Variants in RTL10 observed in about 807,000 individuals in gnomAD.
RTL10 encodes the protein protein Bop.
For synonymous variants in RTL10, 199 were observed against 188.4 expected (o/e 1.06, Z -0.46); for missense variants, 477 against 470.7 (o/e 1.01, Z -0.12).
rs1352306058 is a variant in RTL10 at position 19,846,728 on chromosome 22, T to C, written c.*4439A>G. On this transcript the variant is annotated 3_prime_UTR_variant, in exon 3 of 3. Transcript: ENST00000328554. ...AATAGACTAGTGAGCTTATGAGAGA[T>C]TAGGACACAGACACAGACAGGGACA... 5.6e-6 allele frequency: 2 copies of C among 356,838 alleles called. No individual in the cohort carries two copies. The highest frequency in any genetic ancestry group is 7.8e-6 in the Non-Finnish European group (2 of 255,526). 22.1% of individuals were successfully genotyped at this position (356,838 alleles called of 1,614,324 possible).
At position 19,850,706 on chromosome 22, in the gene RTL10, G is replaced by A; in HGVS notation, c.*461C>T. 2 of 1,234,168 alleles carry A rather than the reference G, an allele frequency of 1.6e-6. No homozygotes were observed. Among genetic ancestry groups the A allele is most frequent in the Non-Finnish European group, 1.0e-6 (1 of 990,178 alleles). The allele number at this position is 1,234,168 out of a possible 1,614,324, so 76.5% of individuals were successfully genotyped here. ...AGAAGTCACAGGGAGCAGAGAGGGT[G>A]GGGCTAGGGGGACAGACACAGAAAC... On this transcript the variant is annotated 3_prime_UTR_variant, in exon 3 of 3. Coordinates refer to ENST00000328554, the MANE Select transcript of RTL10 (RefSeq NM_024627.6).
At chr22:19,852,843 T>G (rs1938141751) in intron 2 of RTL10, among the ~76,000 whole-genome samples, 1 of 152,068 alleles carries the variant, frequency 6.6e-6, no homozygotes, top group Admixed American at 6.5e-5. Context: ...AGTGGTGAAG[T>G]AACTTGTCTG....
In RTL10 at chr22:19,850,288, GCT is replaced by G. The variant is rs1273727022; in HGVS notation, c.*877_*878del. 1 of 982,718 alleles carries G rather than the reference GCT, an allele frequency of 1.0e-6. No homozygotes were observed. Among genetic ancestry groups the G allele is most frequent in the Non-Finnish European group, 1.2e-6 (1 of 827,476 alleles). 60.9% of individuals were successfully genotyped at this position (982,718 alleles called of 1,614,324 possible). ...CACCAATTGTGTACCAGGCCACAGAGCTGACTAAGACAGAGCCCCTGTGCTGA... is the reference window on the plus strand; with the variant it reads ...CACCAATTGTGTACCAGGCCACAGAGGACTAAGACAGAGCCCCTGTGCTGA... On this transcript the variant is annotated 3_prime_UTR_variant, in exon 3 of 3. Transcript: ENST00000328554.
intron 2 of RTL10, among the ~76,000 whole-genome samples, chr22:19,853,537 C>G (rs113625123): frequency 3.0e-4 from 46 of 152,324 alleles, no homozygotes; most frequent in African/African-American, 1.1e-3. Context: ...CACCGGCTCA[C>G]TGGGAGCACA....
intron 2 of RTL10, among the ~76,000 whole-genome samples, chr22:19,853,637 G>A (rs1938163489): frequency 6.6e-6 from 1 of 152,014 alleles, no homozygotes; most frequent in Admixed American, 6.5e-5. Flanking sequence ...AGGGTGGCCT[G>A]CAGCACTAGA....
chr22:19,850,353 A>G lies in RTL10; in HGVS notation c.*814T>C. ...GCCAGGAGGGAGATCCAAGTCATTT[A>G]CACACTAGGGCTTAAGTGCTGAATC... On this transcript the variant is annotated 3_prime_UTR_variant, in exon 3 of 3. Transcript: ENST00000328554. The G allele has an allele frequency of 1.0e-6, 1 of 986,110 alleles. No homozygotes were observed. Among genetic ancestry groups the G allele is most frequent in the South Asian group, 4.7e-5 (1 of 21,294 alleles). 61.1% of individuals were successfully genotyped at this position (986,110 alleles called of 1,614,324 possible).
Position 19,851,708 on chromosome 22 carries a change from A to T in RTL10, c.554T>A (p.Phe185Tyr). The T allele has an allele frequency of 6.2e-7, 1 of 1,602,782 alleles. No individual in the cohort carries two copies. The highest frequency in any genetic ancestry group is 8.5e-7 in the Non-Finnish European group (1 of 1,172,340). ...GGTAACCACAGCATGGTACTCAGCAAAACTGTTCGGGTCTTGAACAACTTC... is the reference window on the plus strand; with the variant it reads ...GGTAACCACAGCATGGTACTCAGCATAACTGTTCGGGTCTTGAACAACTTC... ...LKEVVQDPNS[F>Y]AEYHAVVTCP... Residue 185 changes from phenylalanine to tyrosine, a missense_variant, in exon 3 of 3, where the codon TTT (phenylalanine) becomes TAT (tyrosine). Physicochemically the swap from Phe to Tyr is conservative, Grantham distance 22. Transcript: ENST00000328554.
Position 19,849,687 on chromosome 22 carries a change from C to G in RTL10, c.*1480G>C, listed in dbSNP as rs16984268. 293 of 985,384 alleles carry G rather than the reference C, an allele frequency of 3.0e-4. 1 individual carries two copies. In the African/African-American group the frequency reaches 4.8e-3, roughly 16 times the overall value. The allele number at this position is 985,384 out of a possible 1,614,324, so 61.0% of individuals were successfully genotyped here. ...CGGCCAGTTTCTGAATAAGTTTAAT[C>G]AGATGCTTGCTAATTAGTTTTTCCT... On this transcript the variant is annotated 3_prime_UTR_variant, in exon 3 of 3. Coordinates refer to ENST00000328554, the MANE Select transcript of RTL10 (RefSeq NM_024627.6).
rs888515165 is a variant in RTL10 at position 19,848,025 on chromosome 22, C to T, written c.*3142G>A. On this transcript the variant is annotated 3_prime_UTR_variant, in exon 3 of 3. Coordinates refer to ENST00000328554, the MANE Select transcript of RTL10 (RefSeq NM_024627.6). ...ACTAAATTTCCATATTTATTTGGCC[C>T]GTTTCAAAGTCCTCTATTCTCTGCT... is the stretch of plus-strand genomic sequence containing the variant. 3 of 985,224 alleles carry T rather than the reference C, an allele frequency of 3.0e-6. No homozygotes were observed. Among genetic ancestry groups the T allele is most frequent in the African/African-American group, 1.7e-5 (1 of 57,332 alleles). 61.0% of individuals were successfully genotyped at this position (985,224 alleles called of 1,614,324 possible). A position where few individuals can be genotyped will look rare whatever the true frequency, so the allele number is the denominator to read the frequency against.
At position 19,851,175 on chromosome 22, in the gene RTL10, C is replaced by T; in HGVS notation, c.1087G>A (p.Gly363Arg). Residue 363 changes from glycine to arginine, a missense_variant, in exon 3 of 3, where the codon GGG becomes AGG. Gly to Arg is a moderately radical substitution (Grantham distance 125). Transcript: ENST00000328554. ...ETPGEPPLSPGF is the reference protein window; with the variant it reads ...ETPGEPPLSPRF ...TCCCACCTGGGCTGTGTTCAGAACC[C>T]AGGAGAAAGTGGTGGCTCTCCTGGG... 1 of 1,590,100 alleles carries T rather than the reference C, an allele frequency of 6.3e-7. No homozygotes were observed. Among genetic ancestry groups the T allele is most frequent in the South Asian group, 1.1e-5 (1 of 87,870 alleles).
Position 19,852,144 on chromosome 22 carries a change from T to C in RTL10, c.118A>G (p.Thr40Ala), listed in dbSNP as rs746080907. ...MDKASPGVAYTPLVDPWIERP... is the reference protein window; with the variant it reads ...MDKASPGVAYAPLVDPWIERP... ...TCAATCCAGGGATCCACAAGGGGGG[T>C]GTATGCCACCCCAGGAGACGCCTTG... Residue 40 changes from threonine (T) to alanine (A), a missense_variant, in exon 3 of 3, where the codon ACC becomes GCC. Physicochemically the swap from Thr to Ala is moderately conservative, Grantham distance 58. Transcript: ENST00000328554. 6.2e-7 allele frequency: 1 copy of C among 1,613,834 alleles called. No individual in the cohort carries two copies. The highest frequency in any genetic ancestry group is 2.2e-5 in the East Asian group (1 of 44,842).
At chr22:19,853,759 G>C (rs1169972117) in intron 2 of RTL10, among the ~76,000 whole-genome samples, 3 of 151,978 alleles carry the variant, frequency 2.0e-5, no homozygotes, top group Non-Finnish European at 4.4e-5. Flanking sequence ...CCATGACCCT[G>C]GCTTCCCACC....
At position 19,849,384 on chromosome 22, in the gene RTL10, T is replaced by C. The variant is rs1040118281; in HGVS notation, c.*1783A>G. ...TTTGTTTTTTGTTGTTTTTTTTTTTTTGGGATGGAGTTTCACTCTTGTTGT... is the reference window on the plus strand; with the variant it reads ...TTTGTTTTTTGTTGTTTTTTTTTTTCTGGGATGGAGTTTCACTCTTGTTGT... On this transcript the variant is annotated 3_prime_UTR_variant, in exon 3 of 3. Coordinates refer to ENST00000328554, the MANE Select transcript of RTL10 (RefSeq NM_024627.6). 2.4e-6 allele frequency: 2 copies of C among 821,328 alleles called. No homozygotes were observed. The highest frequency in any genetic ancestry group is 3.8e-5 in the African/African-American group (2 of 53,190). The allele number at this position is 821,328 out of a possible 1,614,324, so 50.9% of individuals were successfully genotyped here.
In RTL10 at chr22:19,846,340, A is replaced by G. The variant is rs139608143; in HGVS notation, c.*4827T>C. ...TGGGAATACAGGATAATGCCTTTGT[A>G]CCCCCCAGGTAGGGAAAGATTTCTT... On this transcript the variant is annotated 3_prime_UTR_variant, in exon 3 of 3. Coordinates refer to ENST00000328554, the MANE Select transcript of RTL10 (RefSeq NM_024627.6). The G allele has an allele frequency of 8.7e-4, 706 of 815,192 alleles. 3 individuals carry two copies. The African/African-American group carries it at 0.012, about 14-fold the overall frequency. The allele number at this position is 815,192 out of a possible 1,614,324, so 50.5% of individuals were successfully genotyped here.
In RTL10 at chr22:19,850,896, G is replaced by C; in HGVS notation, c.*271C>G. On this transcript the variant is annotated 3_prime_UTR_variant, in exon 3 of 3. Coordinates refer to ENST00000328554, the MANE Select transcript of RTL10 (RefSeq NM_024627.6). ...ACAAAACGACCCCCTCGTGGGAGCA[G>C]GCCTGGGTGAGACGGCACTCCCAGA... 7 of 1,363,008 alleles carry C rather than the reference G, an allele frequency of 5.1e-6. No homozygotes were observed. Among genetic ancestry groups the C allele is most frequent in the South Asian group, 2.1e-5 (1 of 48,362 alleles). The allele number at this position is 1,363,008 out of a possible 1,614,324, so 84.4% of individuals were successfully genotyped here. A position where few individuals can be genotyped will look rare whatever the true frequency, so the allele number is the denominator to read the frequency against.
chr22:19,847,803 G>GTAAAAAAAAAA lies in RTL10; in HGVS notation c.*3363_*3364insTTTTTTTTTTA. 2.3e-6 allele frequency: 1 copy of GTAAAAAAAAAA among 439,106 alleles called. No homozygotes were observed. Among genetic ancestry groups the GTAAAAAAAAAA allele is most frequent in the Non-Finnish European group, 2.7e-6 (1 of 373,340 alleles). The allele number at this position is 439,106 out of a possible 1,614,324, so 27.2% of individuals were successfully genotyped here. ...AACTTTTAAAATCCTGGAATCATAG[G>GTAAAAAAAAAA]CAAAAAAAAAAAAAAAAAAAAATTC... is the stretch of plus-strand genomic sequence containing the variant. On this transcript the variant is annotated 3_prime_UTR_variant, in exon 3 of 3. Transcript: ENST00000328554.
At chr22:19,854,105 G>A (rs1938177641) in intron 2 of RTL10, among the ~76,000 whole-genome samples, 2 of 152,204 alleles carry the variant, frequency 1.3e-5, no homozygotes, top group African/African-American at 4.8e-5. Context: ...ACCATTTTGA[G>A]AACCTTAGCC....
At position 19,847,757 on chromosome 22, in the gene RTL10, T is replaced by G. The variant is rs1226281667; in HGVS notation, c.*3410A>C. The stretch of plus-strand genomic sequence containing the variant: ...ATGAGAAGGTCCACTTCTCCATACC[T>G]CCACAACTCTGGGCATCTAAAACTT... On this transcript the variant is annotated 3_prime_UTR_variant, in exon 3 of 3. Transcript: ENST00000328554. 1 of 923,868 alleles carries G rather than the reference T, an allele frequency of 1.1e-6. No homozygotes were observed. The highest frequency in any genetic ancestry group is 1.3e-6 in the Non-Finnish European group (1 of 789,822). The allele number at this position is 923,868 out of a possible 1,614,324, so 57.2% of individuals were successfully genotyped here. A position where few individuals can be genotyped will look rare whatever the true frequency, so the allele number is the denominator to read the frequency against.
In RTL10 at chr22:19,851,146, T is replaced by C. The variant is rs369325355; in HGVS notation, c.*21A>G. On this transcript the variant is annotated 3_prime_UTR_variant, in exon 3 of 3. Coordinates refer to ENST00000328554, the MANE Select transcript of RTL10 (RefSeq NM_024627.6). ...GGCCACTTCATCATGAGGGGCAGCA[T>C]TGTTCCCACCTGGGCTGTGTTCAGA... 1.0e-5 allele frequency: 16 copies of C among 1,568,902 alleles called. No homozygotes were observed. Among genetic ancestry groups the C allele is most frequent in the Admixed American group, 9.2e-5 (5 of 54,168 alleles).
Sources: gnomAD v4.1 joint callset for allele counts (sites outside exome capture counted in the v4.1 genomes callset) on GRCh38, gnomAD v4.1.1 for gene constraint, MANE v1.5 for transcripts, NCBI Gene and HGNC (gene_info 2026-07-23, HGNC 2026-07-21) for gene names.